EPB41L4A: variants seen among roughly 807,000 people sequenced by gnomAD.
EPB41L4A encodes band 4.1-like protein 4A.
EPB41L4A carries 100 observed loss-of-function variants against 108.6 expected under a neutral mutation model. That is an observed-to-expected ratio of 0.92 (90% CI 0.78 to 1.09). EPB41L4A has a LOEUF of 1.09. Among genes scored for constraint, EPB41L4A ranks in the 50% least tolerant of loss-of-function variants. The pLI, the probability that EPB41L4A is intolerant of heterozygous loss-of-function variation, is 0.00. For synonymous variants in EPB41L4A, 319 were observed against 289.0 expected, an observed-to-expected ratio of 1.10 and a Z score of -1.05; for missense variants, 1,030 against 842.7, an observed-to-expected ratio of 1.22 and a Z score of -2.75.
intron 11 of EPB41L4A, among the ~76,000 whole-genome samples, chr5:112,238,680 A>C (rs925739739): frequency 6.6e-6 from 1 of 152,162 alleles, no homozygotes; most frequent in Admixed American, 6.5e-5. Context: ...ACTAGGTGGC[A>C]TCTCCCCACC....
At chr5:112,414,410 G>C (rs943431508) in intron 1 of EPB41L4A, among the ~76,000 whole-genome samples, 4 of 152,188 alleles carry the variant, frequency 2.6e-5, no homozygotes, top group Middle Eastern at 3.2e-3. Flanking sequence ...ATGCCCATCA[G>C]GGAAGATCTG....
chr5:112,170,279 G>C (rs776612460), intron 20 of EPB41L4A, 22 bp downstream of exon 20: 3 of 1,608,866 alleles, frequency 1.9e-6, no homozygotes, highest in South Asian at 2.2e-5. Context: ...GCTTTGGTGA[G>C]AAGATTCTGA....
chr5:112,296,970 C>A (rs943640956), intron 2 of EPB41L4A, among the ~76,000 whole-genome samples: 2 of 146,722 alleles, frequency 1.4e-5, no homozygotes, highest in Admixed American at 6.8e-5. Context: ...AGTATTCCAT[C>A]ACATACATAT....
At chr5:112,409,973 G>A (rs1055973290) in intron 1 of EPB41L4A, among the ~76,000 whole-genome samples, 1 of 152,182 alleles carries the variant, frequency 6.6e-6, no homozygotes, top group South Asian at 2.1e-4. Context: ...CCCAGGTCAA[G>A]GTGAGCAGGA....
At chr5:112,392,092 A>T (rs879470741) in intron 1 of EPB41L4A, among the ~76,000 whole-genome samples, 26 of 152,178 alleles carry the variant, frequency 1.7e-4, no homozygotes, top group Non-Finnish European at 3.2e-4. Flanking sequence ...CATGGAAAGG[A>T]ACAACTGGTA....
intron 1 of EPB41L4A, among the ~76,000 whole-genome samples, chr5:112,352,052 G>C (rs1181690698): frequency 6.6e-6 from 1 of 152,094 alleles, no homozygotes; most frequent in Admixed American, 6.5e-5. Flanking sequence ...TACTGAATGG[G>C]GAAAAGCTGA....
chr5:112,329,938 C>T (rs540902163), intron 1 of EPB41L4A, among the ~76,000 whole-genome samples: 136 of 152,266 alleles, frequency 8.9e-4, no homozygotes, highest in Middle Eastern at 6.8e-3. Flanking sequence ...ATGTGACTGT[C>T]GGCAAGTCTG....
intron 9 of EPB41L4A, among the ~76,000 whole-genome samples, chr5:112,242,776 T>C (rs988225052): frequency 2.6e-5 from 4 of 152,252 alleles, no homozygotes; most frequent in Non-Finnish European, 5.9e-5. Context: ...GATACTGTGA[T>C]AGCAGGCTTG....
exon 14 of EPB41L4A, chr5:112,143,373 T>C (rs190199286): frequency 6.6e-6 from 1 of 152,498 alleles, no homozygotes; most frequent in East Asian, 1.9e-4. Flanking sequence ...GGATTGTTGC[T>C]ACTTTTATTA....
chr5:112,312,282 T>C (rs1307600543), intron 1 of EPB41L4A, among the ~76,000 whole-genome samples: 2 of 152,042 alleles, frequency 1.3e-5, no homozygotes, highest in Non-Finnish European at 2.9e-5. Context: ...AAAATGATCA[T>C]TCCCAAACTA....
At chr5:112,302,113 C>T (rs1354487300) in intron 2 of EPB41L4A, among the ~76,000 whole-genome samples, 2 of 152,042 alleles carry the variant, frequency 1.3e-5, no homozygotes, top group East Asian at 3.8e-4. Context: ...TTTGATTTTA[C>T]AATGTCAGTA....
At chr5:112,313,129 T>C (rs1755155898) in intron 1 of EPB41L4A, among the ~76,000 whole-genome samples, 1 of 152,204 alleles carries the variant, frequency 6.6e-6, no homozygotes, top group African/African-American at 2.4e-5. Context: ...ATGATTATCT[T>C]TCAGAATTCC....
At chr5:112,326,263 C>T (rs1244929752) in intron 1 of EPB41L4A, among the ~76,000 whole-genome samples, 2 of 151,872 alleles carry the variant, frequency 1.3e-5, no homozygotes, top group African/African-American at 4.8e-5. Context: ...GGTCGGTGCC[C>T]CCAATCCACC....
chr5:112,419,554 C>T (rs1406689559), upstream of EPB41L4A: 1 of 437,098 alleles, frequency 2.3e-6, no homozygotes, highest in Non-Finnish European at 4.6e-6. Context: ...CGCGCACTTC[C>T]AGCCGCGACC....
chr5:112,394,791 T>G (rs1022193652), intron 1 of EPB41L4A, among the ~76,000 whole-genome samples: 3 of 152,336 alleles, frequency 2.0e-5, no homozygotes, highest in African/African-American at 7.2e-5. Context: ...AAGACAATCC[T>G]AAGCCAAAAG....
chr5:112,235,333 T>C (rs1749253296), intron 11 of EPB41L4A, among the ~76,000 whole-genome samples: 4 of 152,166 alleles, frequency 2.6e-5, no homozygotes, highest in Admixed American at 6.5e-5. Flanking sequence ...CCAGGGCAGG[T>C]TTCCCTGGGG....
At chr5:112,226,126 G>A (rs1249474581) in intron 12 of EPB41L4A, among the ~76,000 whole-genome samples, 2 of 152,170 alleles carry the variant, frequency 1.3e-5, no homozygotes, top group Non-Finnish European at 2.9e-5. Context: ...CAGATTTCTT[G>A]TAACAGAGAC....
Position 112,339,486 on chromosome 5 carries a change from A to G in EPB41L4A, c.100-31996T>C, listed in dbSNP as rs867687343. Among the ~76,000 whole-genome samples the G allele has an allele frequency of 5.5e-5, 4 of 72,672 alleles. 1 individual carries two copies. The highest frequency in any genetic ancestry group is 1.9e-4 in the African/African-American group (4 of 20,790). 47.7% of individuals were successfully genotyped at this position (72,672 alleles called of 152,430 possible). A position where few individuals can be genotyped will look rare whatever the true frequency, so the allele number is the denominator to read the frequency against. On this transcript the variant is annotated intron_variant, in intron 1 of 22. Coordinates refer to ENST00000261486, the MANE Select transcript of EPB41L4A (RefSeq NM_022140.5). Reference sequence around the variant, plus strand: ...GATATATATATATCTATATATATATATATATATATCTATATATATATATAG... The same window carrying G: ...GATATATATATATCTATATATATATGTATATATATCTATATATATATATAG...
intron 1 of EPB41L4A, among the ~76,000 whole-genome samples, chr5:112,401,603 G>A (rs1200624279): frequency 6.6e-6 from 1 of 152,124 alleles, no homozygotes; most frequent in Non-Finnish European, 1.5e-5. Context: ...AAAATCTACT[G>A]GTAAGTATTA....
Sources: gnomAD v4.1 joint callset for allele counts (sites outside exome capture counted in the v4.1 genomes callset) on GRCh38, gnomAD v4.1.1 for gene constraint, MANE v1.5 for transcripts, NCBI Gene and HGNC (gene_info 2026-07-23, HGNC 2026-07-21) for gene names.